The following RREB1 variants were observed in gnomAD, a reference collection of about 807,000 sequenced individuals.
RREB1 encodes the protein ras responsive element binding protein 1, also known as ras-responsive element-binding protein 1.
In RREB1, 27 loss-of-function variants were observed where a neutral mutation model predicts 117.8. The ratio of observed to expected loss-of-function variants is 0.23; its 90% CI spans 0.17 to 0.32. The LOEUF (loss-of-function observed/expected upper bound fraction) is 0.32. RREB1 is among the 10% of genes least tolerant of loss of function. The probability of loss-of-function intolerance (pLI) is 1.00; values close to 1 mark genes in which losing one functional copy is unlikely to be tolerated. For missense variants in RREB1, 2,577 were observed against 2,378.2 expected (o/e 1.08, Z -1.74); for synonymous variants, 1,298 against 1,026.7 (o/e 1.26, Z -5.05).
intron 6 of RREB1, among the ~76,000 whole-genome samples, chr6:7,195,438 A>G (rs1371275661): frequency 1.3e-5 from 2 of 152,216 alleles, no homozygotes; most frequent in African/African-American, 4.8e-5. Flanking sequence ...GATCTGTTCC[A>G]GAATCTGAGA....
chr6:7,118,658 T>G (rs1487628963), intron 1 of RREB1, among the ~76,000 whole-genome samples: 1 of 152,118 alleles, frequency 6.6e-6, no homozygotes, highest in Non-Finnish European at 1.5e-5. Context: ...GAAAAGAAGG[T>G]TTCTGAGAAC....
intron 10 of RREB1, among the ~76,000 whole-genome samples, chr6:7,233,200 C>T (rs569469676): frequency 9.9e-5 from 15 of 152,184 alleles, no homozygotes; most frequent in African/African-American, 3.6e-4. Flanking sequence ...CTGGCCTGCC[C>T]AAAAATATTT....
chr6:7,238,882 C>T (rs575078236), intron 10 of RREB1, among the ~76,000 whole-genome samples: 1 of 152,318 alleles, frequency 6.6e-6, no homozygotes, highest in Non-Finnish European at 1.5e-5. Flanking sequence ...GAATCAATGT[C>T]CCCTGTCTCT....
chr6:7,145,036 C>T lies in RREB1; in HGVS notation c.-284-31619C>T, dbSNP rs184563677. 1.4e-4 allele frequency among the ~76,000 whole-genome samples: 22 copies of T among 152,306 alleles called. 1 individual carries two copies. Among genetic ancestry groups the T allele is most frequent in the African/African-American group, 4.1e-4 (17 of 41,574 alleles). On this transcript the variant is annotated intron_variant, in intron 1 of 12. Transcript: ENST00000379938. The stretch of plus-strand genomic sequence containing the variant: ...GAGAGTCATGCTTTCTTCTTCGTCT[C>T]ACCGTGTAGAGGGGAAGATCTGTCT...
intron 1 of RREB1, among the ~76,000 whole-genome samples, chr6:7,152,520 C>T (rs1051782734): frequency 7.2e-5 from 11 of 152,168 alleles, no homozygotes; most frequent in Admixed American, 3.3e-4. Context: ...TTATTATTCT[C>T]AAGTTTGATT....
intron 1 of RREB1, among the ~76,000 whole-genome samples, chr6:7,172,411 G>A (rs901728576): frequency 2.7e-5 from 4 of 150,872 alleles, no homozygotes; most frequent in South Asian, 2.1e-4. Context: ...CCCCCACCCC[G>A]GCTTCTTTTT....
chr6:7,140,924 G>A (rs905508370), intron 1 of RREB1: 1 of 152,352 alleles, frequency 6.6e-6, no homozygotes, highest in African/African-American at 2.4e-5. Flanking sequence ...TCTGTTTCTG[G>A]GGAGGGGCGA....
intron 4 of RREB1, among the ~76,000 whole-genome samples, chr6:7,182,311 T>C (rs1297418766): frequency 1.3e-5 from 2 of 152,196 alleles, no homozygotes; most frequent in African/African-American, 2.4e-5. Flanking sequence ...AGTGCCCTTA[T>C]TTTTGGCCCC....
rs1188577458 is a variant in RREB1, at chr6:7,231,794, T to G, written c.3695T>G (p.Leu1232Arg). The G allele has an allele frequency of 1.2e-6, 2 of 1,613,606 alleles. No homozygotes were observed. Among genetic ancestry groups the G allele is most frequent in the African/African-American group, 2.7e-5 (2 of 74,930 alleles). Reference sequence around the variant, plus strand: ...GGCAGTCCCCCAGAAGACAAGCTGCTGAGGGCCAAGCGGAACTCGTACACC... The same window carrying G: ...GGCAGTCCCCCAGAAGACAAGCTGCGGAGGGCCAAGCGGAACTCGTACACC... ...EQGSPPEDKL[L>R]RAKRNSYTNC... The change falls in exon 10 of 13, where the codon CTG (leucine) becomes CGG (arginine). Residue 1232 changes from leucine to arginine, a missense_variant. Leu to Arg is a moderately radical substitution (Grantham distance 102). Transcript: ENST00000379938.
At chr6:7,123,731 C>G (rs1278984782) in intron 1 of RREB1, among the ~76,000 whole-genome samples, 1 of 151,504 alleles carries the variant, frequency 6.6e-6, no homozygotes, top group Non-Finnish European at 1.5e-5. Context: ...CTGCCTCAGC[C>G]TCCCGAGTAG....
chr6:7,180,612 G>A (rs186060651), intron 2 of RREB1, among the ~76,000 whole-genome samples: 2 of 152,318 alleles, frequency 1.3e-5, no homozygotes, highest in African/African-American at 4.8e-5. Context: ...AACGCACATG[G>A]CCTGAAAAAG....
In RREB1 at chr6:7,229,764, G is replaced by A; in HGVS notation, c.1665G>A (p.Glu555=). ...TGAAGCTCCTCAAAGGCTCAGTGGAGGCGGCCTCCAACGCCCACCTGCTGC... is the reference window on the plus strand; with the variant it reads ...TGAAGCTCCTCAAAGGCTCAGTGGAAGCGGCCTCCAACGCCCACCTGCTGC... ...PPLKLLKGSV[E]AASNAHLLQS... Residue 555 remains glutamate (E), a synonymous_variant, in exon 10 of 13, where the codon GAG becomes GAA. Coordinates refer to ENST00000379938, the MANE Select transcript of RREB1 (RefSeq NM_001003699.4). This position sits in a 1 kb window ranked among gnomAD's most constrained non-coding sequence, Gnocchi z 4.5. 1 of 1,605,932 alleles carries A rather than the reference G, an allele frequency of 6.2e-7. No homozygotes were observed. Among genetic ancestry groups the A allele is most frequent in the East Asian group, 2.2e-5 (1 of 44,656 alleles).
At chr6:7,201,810 C>T (rs1038346502) in intron 6 of RREB1, among the ~76,000 whole-genome samples, 3 of 152,108 alleles carry the variant, frequency 2.0e-5, no homozygotes, top group African/African-American at 7.2e-5. Context: ...GACTGCTGTT[C>T]CAAGTTTATG....
intron 1 of RREB1, among the ~76,000 whole-genome samples, chr6:7,170,958 T>C (rs775727079): frequency 1.3e-5 from 2 of 152,148 alleles, no homozygotes; most frequent in Non-Finnish European, 2.9e-5. Flanking sequence ...TCTGACTCGG[T>C]AGGTCTGGGG....
At chr6:7,202,330 C>T (rs955098161) in intron 6 of RREB1, among the ~76,000 whole-genome samples, 3 of 152,202 alleles carry the variant, frequency 2.0e-5, no homozygotes, top group African/African-American at 7.2e-5. Context: ...TCTCTTCCTC[C>T]TGCACAGAAA....
At chr6:7,141,049 C>T (rs954685289) in intron 1 of RREB1, among the ~76,000 whole-genome samples, 2 of 152,230 alleles carry the variant, frequency 1.3e-5, no homozygotes, top group South Asian at 2.1e-4. Context: ...CTCCCAGGGC[C>T]TCGAGGGTCT....
upstream of RREB1, chr6:7,107,744 A>C (rs1760897937): frequency 5.5e-6 from 1 of 180,902 alleles, no homozygotes; most frequent in African/African-American, 2.4e-5. Context: ...CGCAGGAGCA[A>C]CACGTGATGT....
At chr6:7,227,663 G>C (rs1339989631) in intron 9 of RREB1, among the ~76,000 whole-genome samples, 1 of 152,196 alleles carries the variant, frequency 6.6e-6, no homozygotes, top group African/African-American at 2.4e-5. Flanking sequence ...CTGCATTGCA[G>C]CTAAATATTC....
chr6:7,247,696 G>C (rs1769172421), intron 12 of RREB1, among the ~76,000 whole-genome samples: 1 of 152,188 alleles, frequency 6.6e-6, no homozygotes, highest in Non-Finnish European at 1.5e-5. Flanking sequence ...TAGCCGTGCA[G>C]TTCGGCTGAG....
Sources: gnomAD v4.1 joint callset for allele counts (sites outside exome capture counted in the v4.1 genomes callset) on GRCh38, gnomAD v4.1.1 for gene constraint, Gnocchi (gnomAD v3.1) non-coding constraint, MANE v1.5 for transcripts, NCBI Gene and HGNC (gene_info 2026-07-23, HGNC 2026-07-21) for gene names.